The following FCRL3 variants were observed in gnomAD, a reference collection of about 807,000 sequenced individuals.
The protein encoded by FCRL3 is Fc receptor-like protein 3.
A neutral mutation model predicts 75.0 loss-of-function variants in FCRL3; 89 were observed. The observed-to-expected ratio is 1.19, with a 90% CI of 1.00 to 1.42. The LOEUF is 1.42. Ranked by LOEUF, FCRL3 falls within the 40% of genes most tolerant of loss-of-function variation. The probability of loss-of-function intolerance (pLI) is 0.00; values close to 1 mark genes in which losing one functional copy is unlikely to be tolerated. For synonymous variants in FCRL3, 376 were observed against 348.5 expected (o/e 1.08, Z -0.88); for missense variants, 946 against 880.0 (o/e 1.07, Z -0.95).
At chr1:157,679,798 C>T (rs1357609773) in intron 13 of FCRL3, among the ~76,000 whole-genome samples, 4 of 115,850 alleles carry the variant, frequency 3.5e-5, no homozygotes, top group African/African-American at 1.3e-4. Flanking sequence ...TGCTGCACTC[C>T]AGCCTGGGCG....
Position 157,698,409 on chromosome 1 carries a change from A to G in FCRL3, c.273T>C (p.Asp91=). 6.2e-7 allele frequency: 1 copy of G among 1,614,206 alleles called. No homozygotes were observed. Among genetic ancestry groups the G allele is most frequent in the Non-Finnish European group, 8.5e-7 (1 of 1,180,028 alleles). The part of the protein sequence containing the change: ...QCKTRGSSLS[D]AVHVEFSPDW... ...CAGGTGAAAATTCCACATGCACGGC[A>G]TCACTGAGGGAGGATCCTCGGGTCT... The change falls in exon 4 of 15, where the codon GAT becomes GAC. Residue 91 remains aspartate (D), a synonymous_variant. Transcript: ENST00000368184.
At position 157,697,323 on chromosome 1, in the gene FCRL3, C is replaced by G. The variant is rs1323496725; in HGVS notation, c.661G>C (p.Asp221His). 6.2e-7 allele frequency: 1 copy of G among 1,612,456 alleles called. No homozygotes were observed. The highest frequency in any genetic ancestry group is 8.5e-7 in the Non-Finnish European group (1 of 1,179,124). The change falls in exon 6 of 15, where the codon GAT (aspartate) becomes CAT (histidine). Residue 221 changes from aspartate (D) to histidine (H), a missense_variant. By Grantham distance (81) the Asp-to-His change is moderately conservative. Transcript: ENST00000368184. The part of the protein sequence containing the change: ...CETQLSPQRP[D>H]VQLQFSLFRD... The stretch of plus-strand genomic sequence containing the variant: ...AAGAGGGAGAATTGCAGCTGGACAT[C>G]TGGCCTCTGTGGAGAGAGCTGGGTC...
intron 3 of FCRL3, 35 bp from the exon 4 acceptor site, chr1:157,698,664 G>T: frequency 6.2e-7 from 1 of 1,610,972 alleles, no homozygotes; most frequent in Non-Finnish European, 8.5e-7. Flanking sequence ...GGCAGGGGAA[G>T]GTCAATGGGA....
In FCRL3 at chr1:157,678,012, TATGTC is replaced by T; in HGVS notation, c.*693_*697del. ...TATCATGTATGGCAAATGATGAGAC[TATGTC>T]ATGAAGCAAAAATTACAATTAATGT... On this transcript the variant is annotated 3_prime_UTR_variant, in exon 15 of 15. Coordinates refer to ENST00000368184, the MANE Select transcript of FCRL3 (RefSeq NM_052939.4). The T allele has an allele frequency of 3.0e-6, 3 of 985,256 alleles. No homozygotes were observed. The highest frequency in any genetic ancestry group is 3.6e-6 in the Non-Finnish European group (3 of 829,962). 61.0% of individuals were successfully genotyped at this position (985,256 alleles called of 1,614,324 possible).
In FCRL3 at chr1:157,678,940, A is replaced by G; in HGVS notation, c.2058+2T>C. On this transcript the variant is annotated splice_donor_variant, in intron 14 of 14. Transcript: ENST00000368184. LOFTEE classifies it high-confidence loss of function. ...GAAAGAAAGCCAAGAAATGTGACTC[A>G]CCTCATGCTCTTGATGCATCATTGG... The G allele has an allele frequency of 6.2e-7, 1 of 1,614,136 alleles. No homozygotes were observed. The highest frequency in any genetic ancestry group is 8.5e-7 in the Non-Finnish European group (1 of 1,180,010).
chr1:157,699,815 C>A (rs1656198763), intron 2 of FCRL3, 103 bp from the exon 3 acceptor site: 16 of 1,261,362 alleles, frequency 1.3e-5, no homozygotes, highest in Non-Finnish European at 1.1e-5. Flanking sequence ...TCTTTGCTCC[C>A]TTTTTATATC....
Position 157,698,535 on chromosome 1 carries a change from A to T in FCRL3, c.147T>A (p.His49Gln), listed in dbSNP as rs745507767. Residue 49 changes from histidine to glutamine, a missense_variant, in exon 4 of 15, where the codon CAT (histidine) becomes CAA (glutamine). Transcript: ENST00000368184. The part of the protein sequence containing the change: ...KVALICSSIS[H>Q]SLAQGDTYWY... ...AATATGTGTCTCCCTGGGCTAGGGA[A>T]TGTGATATGCTGCTGCATATGAGAG... The T allele has an allele frequency of 6.2e-7, 1 of 1,614,152 alleles. No individual in the cohort carries two copies. Among genetic ancestry groups the T allele is most frequent in the African/African-American group, 1.3e-5 (1 of 75,054 alleles).
chr1:157,700,819 A>T, upstream of FCRL3: 1 of 1,010,458 alleles, frequency 9.9e-7, no homozygotes, highest in Non-Finnish European at 1.3e-6. Context: ...GTATTCAAAT[A>T]ATTCTTTCTG....
At chr1:157,692,722 A>G (rs1398019490) in intron 8 of FCRL3, among the ~76,000 whole-genome samples, 1 of 152,234 alleles carries the variant, frequency 6.6e-6, no homozygotes, top group African/African-American at 2.4e-5. Context: ...TTTGGTGATC[A>G]GTGGCTACTG....
At chr1:157,699,303 T>A (rs1316804124) in intron 3 of FCRL3, among the ~76,000 whole-genome samples, 1 of 152,224 alleles carries the variant, frequency 6.6e-6, no homozygotes, top group African/African-American at 2.4e-5. Context: ...ATAAGGATTC[T>A]GCTGTAGCAT....
Position 157,676,788 on chromosome 1 carries a change from T to C in FCRL3, c.*1922A>G. 1 of 1,549,982 alleles carries C rather than the reference T, an allele frequency of 6.5e-7. No individual in the cohort carries two copies. The highest frequency in any genetic ancestry group is 8.7e-7 in the Non-Finnish European group (1 of 1,146,722). ...CAGAATCTAGAAAATGGATAAACAA[T>C]GATAAGAGATGACAGGTCCCTTAGA... On this transcript the variant is annotated 3_prime_UTR_variant, in exon 15 of 15. Transcript: ENST00000368184.
intron 12 of FCRL3, 66 bp downstream of exon 12, chr1:157,680,915 G>T: frequency 6.8e-7 from 1 of 1,462,368 alleles, no homozygotes; most frequent in Non-Finnish European, 9.4e-7. Context: ...GCCATGGGCT[G>T]TCGCTCAATC....
chr1:157,693,292 A>AGG (rs1290991304), intron 8 of FCRL3, among the ~76,000 whole-genome samples: 1 of 151,588 alleles, frequency 6.6e-6, no homozygotes, highest in African/African-American at 2.4e-5. Context: ...AAAAAAAAAA[A>AGG]AAAGGAAATT....
chr1:157,697,716 T>A lies in FCRL3; in HGVS notation c.502A>T (p.Lys168Ter). 1 of 1,613,892 alleles carries A rather than the reference T, an allele frequency of 6.2e-7. No individual in the cohort carries two copies. Among genetic ancestry groups the A allele is most frequent in the African/African-American group, 1.3e-5 (1 of 75,040 alleles). ...ACTTCAATGTCAAGTATGTAAAACT[T>A]CCTATAAGCAGTACAATGATATTTG... ...NSKYHCTAYRKFYILDIEVTS... is the reference protein window; with the variant it reads ...NSKYHCTAYR The change falls in exon 5 of 15, where the codon AAG becomes TAG. Residue 168 changes from lysine to a stop codon, truncating the protein, a stop_gained. Transcript: ENST00000368184. LOFTEE classifies it high-confidence loss of function.
rs1449496537 is a variant in FCRL3, at chr1:157,678,351, A to G, written c.*359T>C. On this transcript the variant is annotated 3_prime_UTR_variant, in exon 15 of 15. Coordinates refer to ENST00000368184, the MANE Select transcript of FCRL3 (RefSeq NM_052939.4). ...AGCAAATTGTTTATACAGAGAGCAC[A>G]TTAACAGCTTTCGATCACACTTGGA... is the stretch of plus-strand genomic sequence containing the variant. The G allele has an allele frequency of 1.2e-4, 129 of 1,074,476 alleles. No homozygotes were observed. Among genetic ancestry groups the G allele is most frequent in the Non-Finnish European group, 1.4e-4 (125 of 885,268 alleles). 66.6% of individuals were successfully genotyped at this position (1,074,476 alleles called of 1,614,324 possible). A position where few individuals can be genotyped will look rare whatever the true frequency, so the allele number is the denominator to read the frequency against.
chr1:157,679,787 C>T (rs1023931549), intron 13 of FCRL3, among the ~76,000 whole-genome samples: 1 of 124,684 alleles, frequency 8.0e-6, no homozygotes, highest in Non-Finnish European at 1.6e-5. Flanking sequence ...CAAGATCGCA[C>T]TGCTGCACTC....
In FCRL3 at chr1:157,677,949, T is replaced by TG. The variant is rs1003249954; in HGVS notation, c.*760dup. 2 of 984,926 alleles carry TG rather than the reference T, an allele frequency of 2.0e-6. No homozygotes were observed. Among genetic ancestry groups the TG allele is most frequent in the African/African-American group, 3.5e-5 (2 of 57,194 alleles). 61.0% of individuals were successfully genotyped at this position (984,926 alleles called of 1,614,324 possible). The stretch of plus-strand genomic sequence containing the variant: ...TAGTAGGTTATTGTCTCGGGGTTAA[T>TG]GGGTGCTTATAAGAATAAAACTGAC... On this transcript the variant is annotated 3_prime_UTR_variant, in exon 15 of 15. Transcript: ENST00000368184.
chr1:157,700,810 T>C (rs942356687), upstream of FCRL3: 4 of 1,042,704 alleles, frequency 3.8e-6, no homozygotes, highest in African/African-American at 6.6e-5. Context: ...TATTTGCTAG[T>C]ATTCAAATAA....
intron 10 of FCRL3, among the ~76,000 whole-genome samples, chr1:157,689,125 C>G (rs1655347172): frequency 6.6e-6 from 1 of 152,144 alleles, no homozygotes; most frequent in African/African-American, 2.4e-5. Context: ...TCTCTCACCA[C>G]TTGCACTCAG....
Sources: allele counts gnomAD v4.1 joint callset (sites outside exome capture counted in the v4.1 genomes callset), GRCh38; gene constraint gnomAD v4.1.1; transcripts MANE v1.5; gene names NCBI Gene and HGNC (gene_info 2026-07-23, HGNC 2026-07-21).